Variants in DPP6 observed in about 807,000 individuals in gnomAD.
The protein encoded by DPP6 is A-type potassium channel modulatory protein DPP6.
A neutral mutation model predicts 122.6 loss-of-function variants in DPP6; 69 were observed. That is an observed-to-expected ratio of 0.56 (90% CI 0.46 to 0.69). The LOEUF (loss-of-function observed/expected upper bound fraction) is 0.69. DPP6 is among the 30% of genes least tolerant of loss of function. DPP6 has a pLI of 0.00. For missense variants in DPP6, 928 were observed against 1,116.9 expected (o/e 0.83, Z 2.41); for synonymous variants, 418 against 433.1 (o/e 0.97, Z 0.43).
the DPP6 span, among the ~76,000 whole-genome samples, chr7:153,814,366 T>C: frequency 7.1e-6 from 1 of 141,290 alleles, no homozygotes; most frequent in Non-Finnish European, 1.5e-5. Context: ...AAGAAATGGA[T>C]AAATTCCTCA....
chr7:154,353,319 A>T (rs904126726), intron 1 of DPP6, among the ~76,000 whole-genome samples: 2 of 152,154 alleles, frequency 1.3e-5, no homozygotes, highest in African/African-American at 4.8e-5. Context: ...AGTTGTTCTG[A>T]ATCTTTTGAG....
chr7:153,764,765 A>T, the DPP6 span, among the ~76,000 whole-genome samples: 59 of 150,328 alleles, frequency 3.9e-4, no homozygotes, highest in East Asian at 3.8e-3. Flanking sequence ...GGCTCTTGGG[A>T]TTCCCCCATG....
intron 1 of DPP6, among the ~76,000 whole-genome samples, chr7:154,421,144 T>G (rs1817437001): frequency 8.6e-6 from 1 of 116,732 alleles, no homozygotes; most frequent in Non-Finnish European, 1.9e-5. Flanking sequence ...CATCTGTAAG[T>G]GAATATAACA....
At chr7:153,933,135 C>G (rs548380256) in intron 1 of DPP6, among the ~76,000 whole-genome samples, 2 of 152,314 alleles carry the variant, frequency 1.3e-5, no homozygotes, top group South Asian at 2.1e-4. Flanking sequence ...ATAAATTACC[C>G]AGTCTCAAGT....
chr7:154,468,459 A>G (rs1370164528), intron 2 of DPP6, among the ~76,000 whole-genome samples: 8 of 152,216 alleles, frequency 5.3e-5, no homozygotes, highest in African/African-American at 1.9e-4. Context: ...GTTTTATGGT[A>G]TGTGAATTTT....
chr7:154,313,718 C>CAT lies in DPP6; in HGVS notation c.244-132495_244-132494insTA, dbSNP rs1563460588. On this transcript the variant is annotated intron_variant, in intron 1 of 25. Coordinates refer to ENST00000377770, the MANE Select transcript of DPP6 (RefSeq NM_130797.4). ...ATATATATATATATATATATATACA[C>CAT]ACACACGCACGCACACACACACACA... Among the ~76,000 whole-genome samples the CAT allele has an allele frequency of 2.6e-3, 45 of 17,224 alleles. 1 individual carries two copies. The highest frequency in any genetic ancestry group is 5.9e-3 in the African/African-American group (34 of 5,790). 11.3% of individuals were successfully genotyped at this position (17,224 alleles called of 152,430 possible). A position where few individuals can be genotyped will look rare whatever the true frequency, so the allele number is the denominator to read the frequency against.
chr7:154,543,993 CAA>C (rs35853479), intron 4 of DPP6, among the ~76,000 whole-genome samples: 6 of 68,902 alleles, frequency 8.7e-5, no homozygotes, highest in Admixed American at 1.9e-4. Context: ...GACTCCATCT[CAA>C]AAAAAAAAAA....
chr7:154,296,333 C>A (rs1428086084), intron 1 of DPP6, among the ~76,000 whole-genome samples: 1 of 152,126 alleles, frequency 6.6e-6, no homozygotes, highest in Admixed American at 6.5e-5. Flanking sequence ...CACACTATCC[C>A]CATAGTCCAT....
chr7:154,857,661 C>A (rs1411679078), intron 17 of DPP6, among the ~76,000 whole-genome samples: 1 of 152,216 alleles, frequency 6.6e-6, no homozygotes, highest in Non-Finnish European at 1.5e-5. Flanking sequence ...AAGGCAGGTG[C>A]CTGGTGCTTC....
At chr7:154,125,433 C>G (rs186891472) in intron 1 of DPP6, among the ~76,000 whole-genome samples, 1 of 152,080 alleles carries the variant, frequency 6.6e-6, no homozygotes, top group East Asian at 1.9e-4. Flanking sequence ...TAGAGAAGAG[C>G]AAAGCTAAGA....
chr7:154,887,914 T>TA (rs1248362674), intron 23 of DPP6, among the ~76,000 whole-genome samples, 180 bp downstream of exon 23: 1 of 152,106 alleles, frequency 6.6e-6, no homozygotes. Flanking sequence ...GGATTGAGGT[T>TA]AACATGGCCT....
rs1328738946 is a variant in DPP6, at chr7:154,164,513, T to G, written c.243+111450T>G. On this transcript the variant is annotated intron_variant, in intron 1 of 25. Coordinates refer to ENST00000377770, the MANE Select transcript of DPP6 (RefSeq NM_130797.4). ...AAATCTACCCTTTTAAAGGGTATGA[T>G]TAGATGGTTTTTAGTATTTTCAGAG... Among the ~76,000 whole-genome samples the G allele has an allele frequency of 2.0e-5, 3 of 152,272 alleles. No individual in the cohort carries two copies. In the East Asian group the frequency reaches 5.8e-4, roughly 30 times the overall value.
intron 1 of DPP6, among the ~76,000 whole-genome samples, chr7:154,098,242 T>G (rs1805473376): frequency 6.6e-6 from 1 of 152,208 alleles, no homozygotes; most frequent in African/African-American, 2.4e-5. Flanking sequence ...TGCTCAGCAC[T>G]TCTCCTTCCT....
At chr7:154,417,639 ACT>A (rs1273026156) in intron 1 of DPP6, among the ~76,000 whole-genome samples, 3 of 151,220 alleles carry the variant, frequency 2.0e-5, no homozygotes, top group Non-Finnish European at 2.9e-5. Flanking sequence ...ACATCTTCAC[ACT>A]CTCTCAAGTC....
intron 20 of DPP6, among the ~76,000 whole-genome samples, chr7:154,879,446 C>T (rs1214860847): frequency 2.2e-5 from 3 of 135,034 alleles, no homozygotes; most frequent in South Asian, 2.4e-4. Context: ...AAAAATTAGC[C>T]GGGCGAGGTG....
chr7:153,833,993 A>G, the DPP6 span, among the ~76,000 whole-genome samples: 2 of 152,136 alleles, frequency 1.3e-5, no homozygotes, highest in Admixed American at 1.3e-4. Context: ...CTTGGTTAAT[A>G]GTGTGAGTAT....
At chr7:154,065,331 A>C (rs1183499255) in intron 1 of DPP6, among the ~76,000 whole-genome samples, 1 of 129,908 alleles carries the variant, frequency 7.7e-6, no homozygotes, top group African/African-American at 3.1e-5. Flanking sequence ...AAGCAGGGAC[A>C]CCTCCCATCA....
upstream of DPP6, among the ~76,000 whole-genome samples, chr7:153,885,325 T>A (rs1584980237): frequency 6.6e-6 from 1 of 152,186 alleles, no homozygotes; most frequent in East Asian, 1.9e-4. Context: ...CAGCCTGCTG[T>A]TGTCTGAATT....
intron 7 of DPP6, among the ~76,000 whole-genome samples, chr7:154,710,428 C>G (rs551443193): frequency 1.3e-5 from 2 of 152,344 alleles, no homozygotes; most frequent in East Asian, 3.9e-4. Context: ...AGAGGACTCA[C>G]CTTAGGTTCT....
Sources: gnomAD v4.1 joint callset for allele counts (sites outside exome capture counted in the v4.1 genomes callset) on GRCh38, gnomAD v4.1.1 for gene constraint, MANE v1.5 for transcripts, NCBI Gene and HGNC (gene_info 2026-07-23, HGNC 2026-07-21) for gene names.